PARD3B: variants seen among roughly 807,000 people sequenced by gnomAD.
PARD3B encodes par-3 family cell polarity regulator beta.
PARD3B carries 103 observed loss-of-function variants against 130.2 expected under a neutral mutation model. That is an observed-to-expected ratio of 0.79 (90% CI 0.67 to 0.93). The LOEUF (loss-of-function observed/expected upper bound fraction) is 0.93. Among genes scored for constraint, PARD3B ranks in the 40% least tolerant of loss-of-function variants. The probability of loss-of-function intolerance (pLI) is 0.00; values close to 1 mark genes in which losing one functional copy is unlikely to be tolerated. For synonymous variants in PARD3B, 583 were observed against 553.2 expected (o/e 1.05, Z -0.76); for missense variants, 1,609 against 1,499.2 (o/e 1.07, Z -1.21).
chr2:204,556,023 A>C (rs1340166800), intron 1 of PARD3B, among the ~76,000 whole-genome samples: 1 of 152,162 alleles, frequency 6.6e-6, no homozygotes, highest in African/African-American at 2.4e-5. Flanking sequence ...AACTTCAATA[A>C]AGGTAGAGAT....
At chr2:204,785,671 C>T (rs1391791098) in intron 2 of PARD3B, among the ~76,000 whole-genome samples, 1 of 152,176 alleles carries the variant, frequency 6.6e-6, no homozygotes. Context: ...TTATCCCAGT[C>T]ACTTGGGCCC....
chr2:204,591,695 C>A (rs957578651), intron 1 of PARD3B, among the ~76,000 whole-genome samples: 2 of 152,166 alleles, frequency 1.3e-5, no homozygotes, highest in Non-Finnish European at 2.9e-5. Flanking sequence ...GAAGGACAGA[C>A]AAGTTATAAA....
chr2:204,998,399 T>TAAAGAATTAGAGAAGAAATGAAAA (rs1559341725), intron 3 of PARD3B, among the ~76,000 whole-genome samples: 2 of 73,438 alleles, frequency 2.7e-5, no homozygotes, highest in African/African-American at 5.4e-5. Context: ...TATATATGTA[T>TAAAGAATTAGAGAAGAAATGAAAA]ATATGTGTAT....
chr2:204,895,008 A>G (rs2046590081), intron 2 of PARD3B, among the ~76,000 whole-genome samples: 1 of 151,958 alleles, frequency 6.6e-6, no homozygotes, highest in African/African-American at 2.4e-5. Flanking sequence ...TGTTTGGACT[A>G]TAGTAATAGA....
intron 18 of PARD3B, among the ~76,000 whole-genome samples, chr2:205,385,659 A>C (rs2045635565): frequency 6.6e-6 from 1 of 152,148 alleles, no homozygotes; most frequent in African/African-American, 2.4e-5. Flanking sequence ...TACCATTGAA[A>C]GGTAGGTAGC....
At chr2:204,858,578 T>G (rs1423782370) in intron 2 of PARD3B, among the ~76,000 whole-genome samples, 2 of 147,936 alleles carry the variant, frequency 1.4e-5, no homozygotes, top group Admixed American at 6.8e-5. Flanking sequence ...GGGGAGGAAA[T>G]AGATTTAGGT....
chr2:204,815,913 C>G (rs1359978098), intron 2 of PARD3B, among the ~76,000 whole-genome samples: 2 of 151,998 alleles, frequency 1.3e-5, no homozygotes, highest in African/African-American at 4.8e-5. Context: ...TTGAGACGTA[C>G]ATATTCTGCT....
chr2:204,844,349 C>T (rs2044377943), intron 2 of PARD3B, among the ~76,000 whole-genome samples: 1 of 152,076 alleles, frequency 6.6e-6, no homozygotes, highest in South Asian at 2.1e-4. Context: ...CATTCTGAGT[C>T]ATTGCTTATA....
At position 205,352,101 on chromosome 2, in the gene PARD3B, C is replaced by T. The variant is rs1034218806; in HGVS notation, c.2631-48912C>T. ...TTTACTCTCATTACACCACAAGAGC[C>T]TTGGATTTTCTATGTGTATAAAGAC... On this transcript the variant is annotated intron_variant, in intron 18 of 22. Coordinates refer to ENST00000406610, the MANE Select transcript of PARD3B (RefSeq NM_001302769.2). The surrounding 1 kb of genome is among the most constrained non-coding windows in gnomAD (Gnocchi z 5.2). Among the ~76,000 whole-genome samples, 4 of 152,160 alleles carry T rather than the reference C, an allele frequency of 2.6e-5. No homozygotes were observed. The highest frequency in any genetic ancestry group is 4.4e-5 in the Non-Finnish European group (3 of 68,038).
intron 2 of PARD3B, among the ~76,000 whole-genome samples, chr2:204,909,537 C>G (rs983015748): frequency 6.6e-6 from 1 of 152,098 alleles, no homozygotes; most frequent in Non-Finnish European, 1.5e-5. Flanking sequence ...AGCTGGATTA[C>G]TTGGATTTGT....
At chr2:204,891,433 G>A (rs1173089515) in intron 2 of PARD3B, among the ~76,000 whole-genome samples, 2 of 152,052 alleles carry the variant, frequency 1.3e-5, no homozygotes, top group Non-Finnish European at 1.5e-5. Context: ...TATTGAAGAC[G>A]GCAACCGCAG....
chr2:205,235,404 G>A (rs951868945), intron 15 of PARD3B, among the ~76,000 whole-genome samples: 3 of 152,198 alleles, frequency 2.0e-5, no homozygotes, highest in Non-Finnish European at 4.4e-5. Flanking sequence ...CCTGGACAAT[G>A]AGAATGAGAA....
chr2:204,995,178 A>G (rs1250226662), intron 3 of PARD3B, among the ~76,000 whole-genome samples: 2 of 152,102 alleles, frequency 1.3e-5, no homozygotes, highest in Admixed American at 6.5e-5. Context: ...CCTAGTCTCA[A>G]TGGTCTTTAC....
intron 3 of PARD3B, among the ~76,000 whole-genome samples, chr2:204,996,406 C>G (rs960171242): frequency 6.6e-6 from 1 of 152,178 alleles, no homozygotes; most frequent in African/African-American, 2.4e-5. Flanking sequence ...GGTCAGGGGT[C>G]AGGGACCCAC....
intron 18 of PARD3B, among the ~76,000 whole-genome samples, chr2:205,396,666 C>T (rs949620811): frequency 6.6e-6 from 1 of 152,152 alleles, no homozygotes; most frequent in African/African-American, 2.4e-5. Context: ...CATATGTTTG[C>T]ACAGAATTTT....
Position 205,394,779 on chromosome 2 carries a change from C to G in PARD3B, c.2631-6234C>G, listed in dbSNP as rs550156841. ...TCTGTGATCCCACTTATATGAATTTCACATAGAATAGCCAAATTCATAGAG... is the reference window on the plus strand; with the variant it reads ...TCTGTGATCCCACTTATATGAATTTGACATAGAATAGCCAAATTCATAGAG... On this transcript the variant is annotated intron_variant, in intron 18 of 22. Transcript: ENST00000406610. 7.2e-5 allele frequency among the ~76,000 whole-genome samples: 11 copies of G among 152,304 alleles called. No homozygotes were observed. The South Asian group carries it at 1.2e-3, about 17-fold the overall frequency.
intron 2 of PARD3B, among the ~76,000 whole-genome samples, chr2:204,908,554 G>A (rs1247523166): frequency 6.6e-6 from 1 of 152,170 alleles, no homozygotes; most frequent in Admixed American, 6.5e-5. Flanking sequence ...ATGAAAACAA[G>A]TGACTTAGCA....
At chr2:204,592,877 A>T (rs1211177384) in intron 1 of PARD3B, among the ~76,000 whole-genome samples, 16 of 152,216 alleles carry the variant, frequency 1.1e-4, no homozygotes. Flanking sequence ...GAATTGTACA[A>T]TCAATATGTG....
intron 21 of PARD3B, among the ~76,000 whole-genome samples, chr2:205,527,766 G>A (rs58160701): frequency 0.036 from 5,474 of 152,150 alleles, 340 homozygotes; most frequent in African/African-American, 0.13. Context: ...TTGTTGAATT[G>A]GGCAGCATTG....
Sources: allele counts gnomAD v4.1 joint callset (sites outside exome capture counted in the v4.1 genomes callset), GRCh38; gene constraint gnomAD v4.1.1; non-coding constraint Gnocchi (gnomAD v3.1); transcripts MANE v1.5; gene names NCBI Gene and HGNC (gene_info 2026-07-23, HGNC 2026-07-21).